The following ZNF516 variants were observed in gnomAD, a reference collection of about 807,000 sequenced individuals.
The protein encoded by ZNF516 is zinc finger protein 516.
In ZNF516, 19 loss-of-function variants were observed where a neutral mutation model predicts 79.7. The ratio of observed to expected loss-of-function variants is 0.24; its 90% CI spans 0.17 to 0.35. The LOEUF (loss-of-function observed/expected upper bound fraction) is 0.35. ZNF516 is among the 10% of genes least tolerant of loss of function. ZNF516 has a pLI of 1.00. For synonymous variants in ZNF516, 877 were observed against 739.5 expected, an observed-to-expected ratio of 1.19 and a Z score of -3.02; for missense variants, 1,678 against 1,679.5, an observed-to-expected ratio of 1.00 and a Z score of 0.02.
rs774994775 is a variant in ZNF516, at chr18:76,442,694, C to A, written c.361G>T (p.Ala121Ser). ...TTCAGCAGCCGGTTGCAGGCCGAGG[C>A]GCTCTTGGTGGGGCTGGCGCAGGCG... is the stretch of plus-strand genomic sequence containing the variant. The part of the protein sequence containing the change: ...LDACASPTKS[A>S]SACNRLLNGA... Residue 121 changes from alanine (A) to serine (S), a missense_variant, in exon 3 of 7, where the codon GCC becomes TCC. This residue lies in a region of ZNF516 where 279 missense variants were observed against 254.1 expected (regional missense o/e 1.10). Transcript: ENST00000443185. 1.8e-5 allele frequency: 29 copies of A among 1,582,224 alleles called. No individual in the cohort carries two copies. The highest frequency in any genetic ancestry group is 2.1e-5 in the Non-Finnish European group (25 of 1,166,316).
At chr18:76,445,837 G>A (rs77007159) in intron 2 of ZNF516, among the ~76,000 whole-genome samples, 2,709 of 152,330 alleles carry the variant, frequency 0.018, 75 homozygotes, top group African/African-American at 0.06. Flanking sequence ...TGAAGCAAAA[G>A]GAGATTTGTT....
rs1159839416 is a variant in ZNF516 at position 76,370,583 on chromosome 18, G to A, written c.3377C>T (p.Ser1126Phe). ...AACTTCAGAACCCCGAGGCCCATCG[G>A]ACTCAAACACCACTGTGGGAACAAG... is the stretch of plus-strand genomic sequence containing the variant. Reference protein sequence around the residue: ...HMRAHSVVFESDGPRGSEVHT... With the variant: ...HMRAHSVVFEFDGPRGSEVHT... The change falls in exon 6 of 7, where the codon TCC becomes TTC. Residue 1126 changes from serine to phenylalanine, a missense_variant. Ser to Phe is a radical substitution (Grantham distance 155). Transcript: ENST00000443185. 3 of 1,603,850 alleles carry A rather than the reference G, an allele frequency of 1.9e-6. No homozygotes were observed. Among genetic ancestry groups the A allele is most frequent in the Non-Finnish European group, 2.6e-6 (3 of 1,174,800 alleles).
chr18:76,426,073 C>T (rs1167302166), intron 3 of ZNF516, among the ~76,000 whole-genome samples: 1 of 152,234 alleles, frequency 6.6e-6, no homozygotes, highest in Non-Finnish European at 1.5e-5. Flanking sequence ...AAAATGCCAG[C>T]AGTCACTTTT....
At chr18:76,407,336 G>C (rs576592423) in intron 3 of ZNF516, among the ~76,000 whole-genome samples, 113 of 152,144 alleles carry the variant, frequency 7.4e-4, no homozygotes, top group Non-Finnish European at 1.5e-3. Context: ...GAGGTGAGAG[G>C]AACCCTTGAG....
At chr18:76,434,641 C>T (rs920867074) in intron 3 of ZNF516, among the ~76,000 whole-genome samples, 2 of 152,202 alleles carry the variant, frequency 1.3e-5, no homozygotes, top group African/African-American at 4.8e-5. Context: ...TCCCGGCCTG[C>T]GTACAACATG....
intron 1 of ZNF516, chr18:76,487,911 G>GC (rs1413349529): frequency 1.6e-5 from 16 of 982,768 alleles, no homozygotes; most frequent in Non-Finnish European, 1.9e-5. Context: ...GAGGATGAGA[G>GC]CCCCCAGGAG....
chr18:76,410,248 C>T (rs192178925), intron 3 of ZNF516, among the ~76,000 whole-genome samples: 6 of 152,336 alleles, frequency 3.9e-5, no homozygotes, highest in African/African-American at 1.4e-4. Context: ...AGCTGGGTTC[C>T]TTCTCCAGGC....
Position 76,379,352 on chromosome 18 carries a change from C to T in ZNF516, c.2762G>A (p.Gly921Asp), listed in dbSNP as rs367565077. ...GGCGCTCCTGCTGAAGCCCCCGCCA[C>T]CCGGGGCAGGCACCGGTTTGGAGCT... Reference protein sequence around the residue: ...EASSKPVPAPGGGGFSRSATP... With the variant: ...EASSKPVPAPDGGGFSRSATP... The change falls in exon 4 of 7, where the codon GGT becomes GAT. Residue 921 changes from glycine to aspartate, a missense_variant. Transcript: ENST00000443185. 4.5e-5 allele frequency: 72 copies of T among 1,593,420 alleles called. No individual in the cohort carries two copies. Among genetic ancestry groups the T allele is most frequent in the Non-Finnish European group, 6.0e-5 (70 of 1,169,468 alleles).
intron 2 of ZNF516, among the ~76,000 whole-genome samples, chr18:76,448,160 A>G (rs1912174582): frequency 6.6e-6 from 1 of 152,206 alleles, no homozygotes; most frequent in Admixed American, 6.5e-5. Context: ...ACATTTTAAA[A>G]CTAACCATGT....
intron 1 of ZNF516, among the ~76,000 whole-genome samples, chr18:76,476,812 A>T (rs586692): frequency 1.3e-5 from 2 of 152,140 alleles, no homozygotes. Flanking sequence ...TATAAATTTC[A>T]CATGACTGGA....
intron 3 of ZNF516, among the ~76,000 whole-genome samples, chr18:76,408,900 G>A (rs935690791): frequency 6.6e-6 from 1 of 152,168 alleles, no homozygotes; most frequent in Non-Finnish European, 1.5e-5. Flanking sequence ...GGACACTGAC[G>A]AGAGCGCTGC....
At chr18:76,365,043 T>C (rs2074593069) in intron 6 of ZNF516, among the ~76,000 whole-genome samples, 2 of 152,354 alleles carry the variant, frequency 1.3e-5, no homozygotes, top group Admixed American at 1.3e-4. Flanking sequence ...CTGAAAGTGA[T>C]ACTGAAAATA....
chr18:76,441,473 G>T lies in ZNF516; in HGVS notation c.1582C>A (p.His528Asn). The T allele has an allele frequency of 6.2e-7, 1 of 1,603,130 alleles. No individual in the cohort carries two copies. ...FECGKIFRTYHQMVLHSRVHR... is the reference protein window; with the variant it reads ...FECGKIFRTYNQMVLHSRVHR... ...ACGCGTGAGTGCAGCACCATCTGAT[G>T]ATAGGTGCGGAAGATCTTGCCGCAC... Residue 528 changes from histidine to asparagine, a missense_variant, in exon 3 of 7, where the codon CAT (histidine) becomes AAT (asparagine). His to Asn is a moderately conservative substitution (Grantham distance 68). Transcript: ENST00000443185.
intron 3 of ZNF516, chr18:76,386,241 G>A (rs968416473): frequency 1.3e-5 from 2 of 152,106 alleles, no homozygotes; most frequent in African/African-American, 2.4e-5. Context: ...GGGCTTTGTT[G>A]AACACACAGG....
At chr18:76,377,406 A>G (rs1046606003) in intron 4 of ZNF516, among the ~76,000 whole-genome samples, 1 of 152,270 alleles carries the variant, frequency 6.6e-6, no homozygotes, top group Non-Finnish European at 1.5e-5. Context: ...AATCTGTAAG[A>G]GGGGCAGCAG....
At position 76,492,210 on chromosome 18, in the gene ZNF516, C is replaced by A. The variant is rs571169922; in HGVS notation, c.-272+2934G>T. On this transcript the variant is annotated intron_variant, in intron 1 of 6. Coordinates refer to ENST00000443185, the MANE Select transcript of ZNF516 (RefSeq NM_014643.4). ...AACCCCGCGGTGCTCCCGGAAGACACCGCGTCTCCAACATTTACACGGAGA... is the reference window on the plus strand; with the variant it reads ...AACCCCGCGGTGCTCCCGGAAGACAACGCGTCTCCAACATTTACACGGAGA... 3 of 985,458 alleles carry A rather than the reference C, an allele frequency of 3.0e-6. No individual in the cohort carries two copies. In the African/African-American group the frequency reaches 5.2e-5, roughly 17 times the overall value. 61.0% of individuals were successfully genotyped at this position (985,458 alleles called of 1,614,324 possible). A position where few individuals can be genotyped will look rare whatever the true frequency, so the allele number is the denominator to read the frequency against.
chr18:76,421,156 C>T (rs1208050379), intron 3 of ZNF516, among the ~76,000 whole-genome samples: 1 of 152,216 alleles, frequency 6.6e-6, no homozygotes, highest in Admixed American at 6.5e-5. Context: ...TCAGGGTCAA[C>T]TACTGACACG....
intron 3 of ZNF516, among the ~76,000 whole-genome samples, chr18:76,426,981 C>T (rs1359014695): frequency 1.3e-5 from 2 of 152,186 alleles, no homozygotes; most frequent in African/African-American, 2.4e-5. Context: ...GTTATGGAGA[C>T]ATCCCACCTC....
chr18:76,427,002 C>A (rs2075602595), intron 3 of ZNF516, among the ~76,000 whole-genome samples: 1 of 152,202 alleles, frequency 6.6e-6, no homozygotes, highest in African/African-American at 2.4e-5. Context: ...CAAGTCCCAG[C>A]CCATGGGTCC....
Sources: gnomAD v4.1 joint callset for allele counts (sites outside exome capture counted in the v4.1 genomes callset) on GRCh38, gnomAD v4.1.1 for gene constraint, gnomAD v4.1.1 regional missense constraint, MANE v1.5 for transcripts, NCBI Gene and HGNC (gene_info 2026-07-23, HGNC 2026-07-21) for gene names.